The following TTC29 variants were observed in gnomAD, a reference collection of about 807,000 sequenced individuals.
The protein encoded by TTC29 is tetratricopeptide repeat protein 29.
A neutral mutation model predicts 58.1 loss-of-function variants in TTC29; 49 were observed. That is an observed-to-expected ratio of 0.84 (90% CI 0.67 to 1.07). The LOEUF (loss-of-function observed/expected upper bound fraction) is 1.07. Among genes scored for constraint, TTC29 ranks in the 50% least tolerant of loss-of-function variants. The probability of loss-of-function intolerance (pLI) is 0.00; values close to 1 mark genes in which losing one functional copy is unlikely to be tolerated. For missense variants in TTC29, 582 were observed against 555.6 expected (o/e 1.05, Z -0.48); for synonymous variants, 209 against 196.8 (o/e 1.06, Z -0.52).
rs557663767 is a variant in TTC29 at position 146,756,747 on chromosome 4, T to C, written c.1330+46710A>G. On this transcript the variant is annotated intron_variant, in intron 11 of 12. Transcript: ENST00000325106. The stretch of plus-strand genomic sequence containing the variant: ...ATTTTTTTATTCTTTTTTTTTTGTC[T>C]TTGTTGGGTTGGGCTAATTCAAATA... Among the ~76,000 whole-genome samples, 24 of 152,006 alleles carry C rather than the reference T, an allele frequency of 1.6e-4. No homozygotes were observed. In the South Asian group the frequency reaches 4.8e-3, roughly 30 times the overall value.
intron 8 of TTC29, among the ~76,000 whole-genome samples, chr4:146,835,809 G>T (rs1002110350): frequency 7.9e-4 from 121 of 152,260 alleles, no homozygotes; most frequent in African/African-American, 2.8e-3. Flanking sequence ...TATCTGTGAG[G>T]TGTGACTCTT....
chr4:146,825,525 T>C (rs537812165), intron 9 of TTC29, among the ~76,000 whole-genome samples: 4 of 152,338 alleles, frequency 2.6e-5, no homozygotes, highest in Admixed American at 6.5e-5. Flanking sequence ...CTTCCAATTA[T>C]GTGGTCAATT....
intron 11 of TTC29, among the ~76,000 whole-genome samples, chr4:146,796,634 TTC>T (rs1749854520): frequency 6.6e-6 from 1 of 152,164 alleles, no homozygotes; most frequent in Non-Finnish European, 1.5e-5. Flanking sequence ...ATGGTCAAAT[TTC>T]TCTGTTTTAA....
intron 11 of TTC29, among the ~76,000 whole-genome samples, chr4:146,799,142 T>C (rs572122521): frequency 6.6e-6 from 1 of 152,216 alleles, no homozygotes; most frequent in Non-Finnish European, 1.5e-5. Flanking sequence ...AAGCTGCCAG[T>C]AGGTGAGCTT....
intron 11 of TTC29, among the ~76,000 whole-genome samples, chr4:146,753,464 C>G (rs1035473939): frequency 6.6e-6 from 1 of 152,166 alleles, no homozygotes; most frequent in Non-Finnish European, 1.5e-5. Flanking sequence ...GGACTGTAAA[C>G]TAGTTCAACC....
chr4:146,735,357 T>C (rs1191475023), intron 11 of TTC29, among the ~76,000 whole-genome samples: 1 of 152,140 alleles, frequency 6.6e-6, no homozygotes, highest in Admixed American at 6.6e-5. Context: ...TTGAGGAACC[T>C]TTACTAAAAT....
intron 8 of TTC29, among the ~76,000 whole-genome samples, chr4:146,837,309 C>T (rs751008298): frequency 2.0e-5 from 3 of 151,900 alleles, no homozygotes; most frequent in Non-Finnish European, 2.9e-5. Context: ...CTCATGGATA[C>T]AAAGAAGGGA....
intron 4 of TTC29, among the ~76,000 whole-genome samples, chr4:146,923,596 T>G (rs1165517776): frequency 3.9e-5 from 6 of 151,966 alleles, no homozygotes; most frequent in Non-Finnish European, 7.4e-5. Context: ...TAGAATAGTC[T>G]TCACTGAAGC....
chr4:146,841,107 A>G (rs1368959179), intron 8 of TTC29, among the ~76,000 whole-genome samples: 2 of 152,112 alleles, frequency 1.3e-5, no homozygotes, highest in East Asian at 3.8e-4. Flanking sequence ...TCATCCCTTT[A>G]TTCTACATGC....
chr4:146,785,103 G>A (rs572113146), intron 11 of TTC29, among the ~76,000 whole-genome samples: 5 of 150,690 alleles, frequency 3.3e-5, no homozygotes, highest in Non-Finnish European at 5.9e-5. Context: ...GTGTGTCTCT[G>A]TGTGTGTGTG....
At chr4:146,821,717 A>C (rs969362719) in intron 9 of TTC29, among the ~76,000 whole-genome samples, 1 of 152,218 alleles carries the variant, frequency 6.6e-6, no homozygotes, top group African/African-American at 2.4e-5. Context: ...ACCTTAAGGC[A>C]TATAGATGTT....
At chr4:146,812,899 T>C (rs1028186371) in intron 10 of TTC29, 2 of 152,196 alleles carry the variant, frequency 1.3e-5, no homozygotes, top group Non-Finnish European at 2.9e-5. Context: ...TATTCTATTA[T>C]AAAATTCAGA....
chr4:146,873,035 G>A (rs1731035049), intron 7 of TTC29, among the ~76,000 whole-genome samples: 1 of 152,076 alleles, frequency 6.6e-6, no homozygotes, highest in African/African-American at 2.4e-5. Context: ...CCTATATGAT[G>A]GATGAACCTT....
chr4:146,906,584 T>A (rs1314185782), intron 5 of TTC29, among the ~76,000 whole-genome samples: 2 of 152,204 alleles, frequency 1.3e-5, no homozygotes, highest in Admixed American at 1.3e-4. Flanking sequence ...AATGTGCATA[T>A]CTCATTTTCT....
Position 146,925,961 on chromosome 4 carries a change from T to C in TTC29, c.176+11633A>G, listed in dbSNP as rs12509361. Among the ~76,000 whole-genome samples, 1,292 of 152,298 alleles carry C rather than the reference T, an allele frequency of 8.5e-3. 3 individuals carry two copies. Among genetic ancestry groups the C allele is most frequent in the Middle Eastern group, 0.017 (5 of 294 alleles). ...GCTTCTGCTTCTTTATAACAATAGA[T>C]TGCCTTTGTCACATTACTTAACCTC... On this transcript the variant is annotated intron_variant, in intron 4 of 12. Transcript: ENST00000325106.
chr4:146,864,276 C>T (rs12502526), intron 8 of TTC29, among the ~76,000 whole-genome samples: 9,223 of 152,084 alleles, frequency 0.061, 381 homozygotes, highest in Admixed American at 0.13. Context: ...ACTCAGGGCC[C>T]ATCTTCGCAC....
chr4:146,781,961 A>G (rs996070462), intron 11 of TTC29, among the ~76,000 whole-genome samples: 3 of 151,952 alleles, frequency 2.0e-5, no homozygotes, highest in African/African-American at 4.8e-5. Context: ...ATCTAAAATG[A>G]CAATCATTAG....
intron 7 of TTC29, among the ~76,000 whole-genome samples, chr4:146,873,753 T>G (rs1020825394): frequency 6.6e-6 from 1 of 152,170 alleles, no homozygotes; most frequent in South Asian, 2.1e-4. Context: ...GTATGTTGAC[T>G]AATATTATTA....
chr4:146,908,970 C>T (rs1579961450), intron 5 of TTC29, 56 bp downstream of exon 5: 1 of 1,449,492 alleles, frequency 6.9e-7, no homozygotes, highest in Non-Finnish European at 9.6e-7. Context: ...GAATCTTCCC[C>T]CAGGAGCTCG....
Sources: gnomAD v4.1 joint callset for allele counts (sites outside exome capture counted in the v4.1 genomes callset) on GRCh38, gnomAD v4.1.1 for gene constraint, MANE v1.5 for transcripts, NCBI Gene and HGNC (gene_info 2026-07-23, HGNC 2026-07-21) for gene names.